Variants in EPS8 observed in about 807,000 individuals in gnomAD.
EPS8 encodes epidermal growth factor receptor kinase substrate 8.
Under a neutral mutation model 103.8 loss-of-function variants are expected in EPS8, and 42 were observed. The ratio of observed to expected loss-of-function variants is 0.40; its 90% CI spans 0.32 to 0.52. The LOEUF is 0.52. Among genes scored for constraint, EPS8 ranks in the 20% least tolerant of loss-of-function variants. The pLI, the probability that EPS8 is intolerant of heterozygous loss-of-function variation, is 0.40. For synonymous variants in EPS8, 344 were observed against 344.6 expected, an observed-to-expected ratio of 1.00 and a Z score of 0.02; for missense variants, 969 against 1,005.1, an observed-to-expected ratio of 0.96 and a Z score of 0.49.
At chr12:15,741,138 G>A (rs924073373) in intron 1 of EPS8, among the ~76,000 whole-genome samples, 31 of 152,206 alleles carry the variant, frequency 2.0e-4, no homozygotes, top group African/African-American at 1.9e-4. Context: ...GCATAGAGTC[G>A]TGGGCTCAAA....
At chr12:15,623,023 G>A (rs1411791924) in intron 20 of EPS8, 135 bp downstream of exon 20, 1 of 826,754 alleles carries the variant, frequency 1.2e-6, no homozygotes, top group Non-Finnish European at 1.9e-6. Flanking sequence ...TGATCTCAGT[G>A]ACAAATTTAC....
chr12:15,765,852 C>T lies in EPS8; in HGVS notation c.-22+23309G>A, dbSNP rs184165571. Among the ~76,000 whole-genome samples, 241 of 132,818 alleles carry T rather than the reference C, an allele frequency of 1.8e-3. 1 individual carries two copies. Among genetic ancestry groups the T allele is most frequent in the African/African-American group, 5.0e-3 (176 of 35,218 alleles). 87.1% of individuals were successfully genotyped at this position (132,818 alleles called of 152,430 possible). A position where few individuals can be genotyped will look rare whatever the true frequency, so the allele number is the denominator to read the frequency against. On this transcript the variant is annotated intron_variant, in intron 1 of 20. Transcript: ENST00000281172. ...TTTTTGAGACGGAGTCTTGCTCTGTCGCCCAGGCTGGAGTACAGTGGCGCA... is the reference window on the plus strand; with the variant it reads ...TTTTTGAGACGGAGTCTTGCTCTGTTGCCCAGGCTGGAGTACAGTGGCGCA...
Position 15,624,306 on chromosome 12 carries a change from C to A in EPS8, c.2146G>T (p.Val716Leu). 6.2e-7 allele frequency: 1 copy of A among 1,613,702 alleles called. No individual in the cohort carries two copies. The highest frequency in any genetic ancestry group is 8.5e-7 in the Non-Finnish European group (1 of 1,179,742). ...TCGTAAGTGATATTGATAACTGGCA[C>A]GTTCTGCCGTGGCACATGGAATTTC... ...QKKFHVPRQN[V>L]PVINITYDST... The change falls in exon 19 of 21, where the codon GTG (valine) becomes TTG (leucine). Residue 716 changes from valine (V) to leucine (L), a missense_variant. Val to Leu is a conservative substitution (Grantham distance 32). Transcript: ENST00000281172.
At chr12:15,668,637 C>T (rs1265374546) in intron 6 of EPS8, among the ~76,000 whole-genome samples, 1 of 152,166 alleles carries the variant, frequency 6.6e-6, no homozygotes, top group Admixed American at 6.5e-5. Context: ...TTTCACATAT[C>T]ATCTGGGAAT....
chr12:15,623,418 C>T, intron 19 of EPS8, 131 bp from the exon 20 acceptor site: 1 of 708,986 alleles, frequency 1.4e-6, no homozygotes, highest in Non-Finnish European at 2.3e-6. Flanking sequence ...TTATTAAATG[C>T]CACTACAGTC....
chr12:15,657,160 T>A (rs1486983789), intron 12 of EPS8, among the ~76,000 whole-genome samples: 3 of 152,220 alleles, frequency 2.0e-5, no homozygotes, highest in Non-Finnish European at 4.4e-5. Context: ...CTTCATTCTG[T>A]TGAAGTCACA....
intron 17 of EPS8, chr12:15,634,880 T>G (rs920760586): frequency 5.1e-6 from 2 of 393,156 alleles, no homozygotes; most frequent in African/African-American, 4.1e-5. Context: ...AGCCTGACAG[T>G]AAAATTACAT....
rs1476675147 is a variant in EPS8 at position 15,669,552 on chromosome 12, A to C, written c.367-16T>G. ...CCAGTTCATTCTATAAATAAAGTGA[A>C]CATTTTATTTTGTCAAACTTCCATC... On this transcript the variant is annotated splice_polypyrimidine_tract_variant and intron_variant, in intron 5 of 20. Transcript: ENST00000281172. 1.3e-6 allele frequency: 2 copies of C among 1,581,278 alleles called. No individual in the cohort carries two copies. Among genetic ancestry groups the C allele is most frequent in the South Asian group, 2.3e-5 (2 of 86,786 alleles).
chr12:15,663,023 A>C (rs1211851650), intron 8 of EPS8, among the ~76,000 whole-genome samples: 1 of 151,582 alleles, frequency 6.6e-6, no homozygotes, highest in Non-Finnish European at 1.5e-5. Context: ...AAAAGAAAGA[A>C]GAAATCATCG....
In EPS8 at chr12:15,654,208, T is replaced by C; in HGVS notation, c.1187A>G (p.Tyr396Cys). Residue 396 changes from tyrosine to cysteine, a missense_variant, in exon 13 of 21, where the codon TAT (tyrosine) becomes TGT (cysteine). Tyr to Cys is a radical substitution (Grantham distance 194, BLOSUM62 -2). Coordinates refer to ENST00000281172, the MANE Select transcript of EPS8 (RefSeq NM_004447.6). ...CTGCCGTTCATCACCATTGACAGTA[T>C]AATTTAAGAAATCAATTGTGTCCTT... ...LNKDTIDFLN[Y>C]TVNGDERQLW... 1.2e-6 allele frequency: 2 copies of C among 1,613,798 alleles called. No individual in the cohort carries two copies. Among genetic ancestry groups the C allele is most frequent in the Non-Finnish European group, 1.7e-6 (2 of 1,179,746 alleles).
At chr12:15,691,573 G>A (rs1052967498) in intron 1 of EPS8, among the ~76,000 whole-genome samples, 4 of 152,126 alleles carry the variant, frequency 2.6e-5, no homozygotes, top group Non-Finnish European at 5.9e-5. Flanking sequence ...TGTGATGCAG[G>A]AGCTGAGTAA....
At chr12:15,657,988 A>T in intron 12 of EPS8, 91 bp downstream of exon 12, 1 of 762,768 alleles carries the variant, frequency 1.3e-6, no homozygotes, top group Non-Finnish European at 2.3e-6. Context: ...ACGCAAGGTA[A>T]TGAAGAAAAG....
chr12:15,751,686 C>T lies in EPS8; in HGVS notation c.-22+37475G>A, dbSNP rs1420289248. Among the ~76,000 whole-genome samples the T allele has an allele frequency of 1.3e-5, 2 of 152,022 alleles. No homozygotes were observed. Among genetic ancestry groups the T allele is most frequent in the East Asian group, 1.9e-4 (1 of 5,194 alleles). On this transcript the variant is annotated intron_variant, in intron 1 of 20. Transcript: ENST00000281172. The surrounding 1 kb of genome is among the most constrained non-coding windows in gnomAD (Gnocchi z 4.3). ...AACCTAGTGAATGAAAGAATATACC[C>T]GTCCCTTGTACTTTTATGCTATGTT...
In EPS8 at chr12:15,695,354, T is replaced by C. The variant is rs1229944107; in HGVS notation, c.-21-12382A>G. ...TTCATTCGCTCATTTAACAAATAAT[T>C]ACTACGTAACCAGAATGTGCCCATC... On this transcript the variant is annotated intron_variant, in intron 1 of 20. Coordinates refer to ENST00000281172, the MANE Select transcript of EPS8 (RefSeq NM_004447.6). This position sits in a 1 kb window ranked among gnomAD's most constrained non-coding sequence, Gnocchi z 5.0. 1.3e-5 allele frequency among the ~76,000 whole-genome samples: 2 copies of C among 152,204 alleles called. No individual in the cohort carries two copies. The highest frequency in any genetic ancestry group is 2.9e-5 in the Non-Finnish European group (2 of 68,036).
intron 18 of EPS8, among the ~76,000 whole-genome samples, chr12:15,630,197 C>T (rs1275299746): frequency 1.1e-5 from 1 of 89,542 alleles, no homozygotes; most frequent in Non-Finnish European, 2.6e-5. Flanking sequence ...CTCTATCTCT[C>T]TCTCACTCAC....
At position 15,717,869 on chromosome 12, in the gene EPS8, A is replaced by G; in HGVS notation, c.-21-34897T>C. Among the ~76,000 whole-genome samples, 1 of 152,214 alleles carries G rather than the reference A, an allele frequency of 6.6e-6. No homozygotes were observed. The highest frequency in any genetic ancestry group is 2.4e-5 in the African/African-American group (1 of 41,462). Reference sequence around the variant, plus strand: ...TTAGGAATGCATTAAGGGAAACACCACACAAACTTATTTGATTATGGATTT... The same window carrying G: ...TTAGGAATGCATTAAGGGAAACACCGCACAAACTTATTTGATTATGGATTT... On this transcript the variant is annotated intron_variant, in intron 1 of 20. Coordinates refer to ENST00000281172, the MANE Select transcript of EPS8 (RefSeq NM_004447.6). The surrounding 1 kb of genome is among the most constrained non-coding windows in gnomAD (Gnocchi z 4.3).
At chr12:15,720,403 T>C (rs1187300085) in intron 1 of EPS8, among the ~76,000 whole-genome samples, 1 of 152,120 alleles carries the variant, frequency 6.6e-6, no homozygotes, top group Admixed American at 6.6e-5. Context: ...TCCTTCTGCC[T>C]CAGCCTCCTG....
chr12:15,648,079 T>G (rs1431493611), intron 14 of EPS8, among the ~76,000 whole-genome samples: 1 of 152,196 alleles, frequency 6.6e-6, no homozygotes, highest in Admixed American at 6.5e-5. Context: ...GAGATGGAGC[T>G]CAGGCAGTAA....
chr12:15,630,931 A>C (rs1945034354), intron 18 of EPS8, among the ~76,000 whole-genome samples: 1 of 152,168 alleles, frequency 6.6e-6, no homozygotes, highest in African/African-American at 2.4e-5. Flanking sequence ...CAGTTTTGAC[A>C]ACCAAAAATG....
Sources: allele counts gnomAD v4.1 joint callset (sites outside exome capture counted in the v4.1 genomes callset), GRCh38; gene constraint gnomAD v4.1.1; non-coding constraint Gnocchi (gnomAD v3.1); transcripts MANE v1.5; gene names NCBI Gene and HGNC (gene_info 2026-07-23, HGNC 2026-07-21).